Variants in DNAH1 observed in about 807,000 individuals in gnomAD.
The protein encoded by DNAH1 is axonemal beta dynein heavy chain 1.
DNAH1 carries 327 observed loss-of-function variants against 484.3 expected under a neutral mutation model. The ratio of observed to expected loss-of-function variants is 0.68; its 90% confidence interval spans 0.62 to 0.74. The LOEUF (loss-of-function observed/expected upper bound fraction) is 0.74, where lower values mean the gene tolerates loss of function less well. Ranked by LOEUF, DNAH1 falls within the 30% of genes least tolerant of loss-of-function variation. The probability of loss-of-function intolerance (pLI) is 0.00; values close to 1 mark genes in which losing one functional copy is unlikely to be tolerated. For synonymous variants in DNAH1, 2,192 were observed against 2,191.9 expected, an observed-to-expected ratio of 1.00 and a Z score of 0.00; for missense variants, 5,052 against 5,546.8, an observed-to-expected ratio of 0.91 and a Z score of 2.83.
chr3:52,399,649 G>A lies in DNAH1; in HGVS notation c.12546G>A (p.Gln4182=), dbSNP rs1488315377. 6.2e-7 allele frequency: 1 copy of A among 1,614,016 alleles called. No individual in the cohort carries two copies. Among genetic ancestry groups the A allele is most frequent in the East Asian group, 2.2e-5 (1 of 44,890 alleles). Residue 4182 remains glutamine, a synonymous_variant, in exon 77 of 78, where the codon CAG becomes CAA. Coordinates refer to ENST00000420323, the MANE Select transcript of DNAH1 (RefSeq NM_015512.5). ...EGARWDPEAF[Q]LAESQPKELY... ...CCCGCTGGGATCCAGAGGCCTTCCA[G>A]CTGGCTGAGTCTCAGCCCAAGGAGC...
At chr3:52,318,032 G>C (rs1052000752) in intron 1 of DNAH1, 1 of 152,328 alleles carries the variant, frequency 6.6e-6, no homozygotes, top group African/African-American at 2.4e-5. Flanking sequence ...CCTTGGCCAG[G>C]GGGAAAGAAG....
rs750908416 is a variant in DNAH1, at chr3:52,370,734, C to T, written c.6434C>T (p.Pro2145Leu). 1 of 1,604,162 alleles carries T rather than the reference C, an allele frequency of 6.2e-7. No homozygotes were observed. The highest frequency in any genetic ancestry group is 2.2e-5 in the East Asian group (1 of 44,486). Residue 2145 changes from proline to leucine, a missense_variant, in exon 41 of 78, where the codon CCA (proline) becomes CTA (leucine). Coordinates refer to ENST00000420323, the MANE Select transcript of DNAH1 (RefSeq NM_015512.5). ...TCCCGGCAGCTGACTCTGCTTTTCC[C>T]AGAAGAGGGGCTGGTGTTCGATTAC... ...MENEQLTLLF[P>L]EEGLVFDYRL...
chr3:52,361,626 ACATGTGCCC>A lies in DNAH1; in HGVS notation c.4875-31_4875-23del. On this transcript the variant is annotated intron_variant, in intron 29 of 77. Transcript: ENST00000420323. The surrounding 1 kb of genome is among the most constrained non-coding windows in gnomAD (Gnocchi z 5.6). ...GAGGTGCCCAGATTGGGCTCTGAAC[ACATGTGCCC>A]CATCCAATGTTCCGGCCTCACTCAG... The A allele has an allele frequency of 6.4e-7, 1 of 1,563,176 alleles. No individual in the cohort carries two copies. The highest frequency in any genetic ancestry group is 8.7e-7 in the Non-Finnish European group (1 of 1,151,830).
intron 54 of DNAH1, among the ~76,000 whole-genome samples, chr3:52,385,791 TG>T (rs1704078092): frequency 6.6e-6 from 1 of 152,254 alleles, no homozygotes; most frequent in African/African-American, 2.4e-5. Flanking sequence ...GACAGCTTTC[TG>T]GAAGGAATAG....
Position 52,378,625 on chromosome 3 carries a change from T to C in DNAH1, c.7222T>C (p.Phe2408Leu). Residue 2408 changes from phenylalanine (F) to leucine (L), a missense_variant, in exon 47 of 78, where the codon TTC becomes CTC. Physicochemically the swap from Phe to Leu is conservative, Grantham distance 22 (BLOSUM62 0). Coordinates refer to ENST00000420323, the MANE Select transcript of DNAH1 (RefSeq NM_015512.5). ...RVPGAPHIAH[F>L]TEPLVEATIM... is the part of the protein sequence containing the mutation. ...AGCTGGGGCCCCCCACATTGCCCACTTCACGGAGCCCCTTGTGGAAGCCAC... is the reference window on the plus strand; with the variant it reads ...AGCTGGGGCCCCCCACATTGCCCACCTCACGGAGCCCCTTGTGGAAGCCAC... The C allele has an allele frequency of 6.2e-7, 1 of 1,613,544 alleles. No homozygotes were observed.
intron 44 of DNAH1, chr3:52,374,592 C>G: frequency 6.7e-7 from 1 of 1,500,636 alleles, no homozygotes; most frequent in Non-Finnish European, 9.3e-7. Context: ...GGTGGCAGAG[C>G]GAGCTCTCTA....
chr3:52,367,459 C>G (rs1205420355), intron 36 of DNAH1, among the ~76,000 whole-genome samples: 1 of 152,108 alleles, frequency 6.6e-6, no homozygotes. Context: ...CTGCTTCCCC[C>G]ATTTCTGGTG....
rs1476906510 is a variant in DNAH1, at chr3:52,386,357, G to A, written c.8811+12G>A. The A allele has an allele frequency of 1.9e-6, 3 of 1,546,508 alleles. No homozygotes were observed. The highest frequency in any genetic ancestry group is 2.4e-5 in the South Asian group (2 of 82,860). ...ACGATGTGACCGAGGTGGGCAGCAG[G>A]GCATCTCCTGGCATTCCCTCTCATA... On this transcript the variant is annotated intron_variant, in intron 55 of 77. Transcript: ENST00000420323.
At position 52,391,291 on chromosome 3, in the gene DNAH1, A is replaced by G. The variant is rs556006237; in HGVS notation, c.9854A>G (p.Glu3285Gly). ...KPCLLENVGE[E>G]LDPALEPVLL... Reference sequence around the variant, plus strand: ...TGTCTCCTGGAGAACGTGGGCGAGGAGCTAGACCCAGCCCTGGAGCCAGTG... The same window carrying G: ...TGTCTCCTGGAGAACGTGGGCGAGGGGCTAGACCCAGCCCTGGAGCCAGTG... Residue 3285 changes from glutamate to glycine, a missense_variant, in exon 62 of 78, where the codon GAG becomes GGG. Around this residue, in one of 4 missense-constraint regions of DNAH1, gnomAD observed 2,929 missense variants for 3,409.4 expected, o/e 0.86. Transcript: ENST00000420323. The G allele has an allele frequency of 3.9e-5, 63 of 1,612,524 alleles. No individual in the cohort carries two copies. The Middle Eastern group carries it at 1.6e-3, about 42-fold the overall frequency.
intron 3 of DNAH1, among the ~76,000 whole-genome samples, chr3:52,324,761 TG>T (rs369581751): frequency 1.3e-4 from 20 of 152,186 alleles, no homozygotes; most frequent in African/African-American, 4.6e-4. Context: ...ATCTCAGCAC[TG>T]GGGGTATTGG....
intron 63 of DNAH1, 97 bp downstream of exon 63, chr3:52,391,700 T>C (rs1180989205): frequency 1.7e-5 from 25 of 1,439,286 alleles, no homozygotes; most frequent in Non-Finnish European, 2.4e-5. Context: ...AGTGGGACTT[T>C]CCCCCACTCA....
rs573227199 is a variant in DNAH1 at position 52,358,923 on chromosome 3, G to A, written c.4266+186G>A. On this transcript the variant is annotated intron_variant, in intron 25 of 77. Coordinates refer to ENST00000420323, the MANE Select transcript of DNAH1 (RefSeq NM_015512.5). The surrounding 1 kb of genome is among the most constrained non-coding windows in gnomAD (Gnocchi z 4.2). Reference sequence around the variant, plus strand: ...AAAGTGGGACTCACTCCTAATCATCGGGATGGCTGTTCTGGTTCCCAGCAC... The same window carrying A: ...AAAGTGGGACTCACTCCTAATCATCAGGATGGCTGTTCTGGTTCCCAGCAC... Among the ~76,000 whole-genome samples, 15 of 152,200 alleles carry A rather than the reference G, an allele frequency of 9.9e-5. No individual in the cohort carries two copies. Among genetic ancestry groups the A allele is most frequent in the African/African-American group, 1.7e-4 (7 of 41,520 alleles).
At chr3:52,399,928 C>T (rs1704832127) in intron 77 of DNAH1, 149 bp downstream of exon 77, 3 of 847,210 alleles carry the variant, frequency 3.5e-6, no homozygotes, top group Non-Finnish European at 5.4e-6. Context: ...CAGGTTAATG[C>T]CCAAGGCCTG....
intron 2 of DNAH1, 41 bp downstream of exon 2, chr3:52,322,816 C>T (rs1270908379): frequency 8.5e-6 from 13 of 1,523,756 alleles, no homozygotes; most frequent in Non-Finnish European, 1.2e-5. Context: ...TCAACCCTTC[C>T]TCTGGGCTCC....
Position 52,372,947 on chromosome 3 carries a change from CGA to C in DNAH1, c.6880_6881del (p.Asp2294Ter). 6.2e-6 allele frequency: 10 copies of C among 1,613,832 alleles called. No individual in the cohort carries two copies. Among genetic ancestry groups the C allele is most frequent in the Non-Finnish European group, 8.5e-6 (10 of 1,179,852 alleles). ...PLGRNFIFFIDDLNMPALETY... is the reference protein window; with the variant it reads ...PLGRNFIFFIXDLNMPALETY... Reference sequence around the variant, plus strand: ...TGGGGCGCAACTTTATCTTCTTCATCGATGACCTGAACATGCCGGCCCTGGAG... The same window carrying C: ...TGGGGCGCAACTTTATCTTCTTCATCTGACCTGAACATGCCGGCCCTGGAG... On this transcript the variant is annotated frameshift_variant, in exon 44 of 78. Transcript: ENST00000420323. LOFTEE classifies it high-confidence loss of function.
intron 77 of DNAH1, 45 bp from the exon 78 acceptor site, chr3:52,400,280 G>C (rs566129592): frequency 2.5e-6 from 4 of 1,611,028 alleles, no homozygotes; most frequent in Non-Finnish European, 2.5e-6. Context: ...CCTGCTAGTA[G>C]TAATAGGGCA....
chr3:52,330,058 C>T (rs771103488), intron 6 of DNAH1, among the ~76,000 whole-genome samples: 1 of 152,170 alleles, frequency 6.6e-6, no homozygotes, highest in Non-Finnish European at 1.5e-5. Flanking sequence ...AATCCGCCCA[C>T]CTCTGCCTCC....
intron 75 of DNAH1, among the ~76,000 whole-genome samples, 173 bp downstream of exon 75, chr3:52,398,335 G>A (rs914567802): frequency 6.6e-6 from 1 of 152,186 alleles, no homozygotes; most frequent in Non-Finnish European, 1.5e-5. Context: ...ATGCTGGAGT[G>A]CAGCGGTATG....
chr3:52,356,823 C>A, intron 22 of DNAH1, 45 bp downstream of exon 22: 1 of 1,556,044 alleles, frequency 6.4e-7, no homozygotes, highest in Non-Finnish European at 8.7e-7. Context: ...TCCCCAAGGG[C>A]CCTGGTCACA....
Sources: gnomAD v4.1 joint callset for allele counts (sites outside exome capture counted in the v4.1 genomes callset) on GRCh38, gnomAD v4.1.1 for gene constraint, gnomAD v4.1.1 regional missense constraint, Gnocchi (gnomAD v3.1) non-coding constraint, MANE v1.5 for transcripts, NCBI Gene and HGNC (gene_info 2026-07-23, HGNC 2026-07-21) for gene names.